The following PARG variants were observed in gnomAD, a reference collection of about 807,000 sequenced individuals.
PARG encodes poly(ADP-ribose) glycohydrolase.
Under a neutral mutation model 113.0 loss-of-function variants are expected in PARG, and 35 were observed. The ratio of observed to expected loss-of-function variants is 0.31; its 90% confidence interval spans 0.24 to 0.41. PARG has a LOEUF of 0.41. PARG is among the 10% of genes least tolerant of loss of function. The pLI, the probability that PARG is intolerant of heterozygous loss-of-function variation, is 1.00. For missense variants in PARG, 797 were observed against 1,169.4 expected (o/e 0.68, Z 4.64); for synonymous variants, 330 against 409.9 (o/e 0.81, Z 2.36).
At chr10:49,915,073 T>C (rs1248383840) in intron 7 of PARG, among the ~76,000 whole-genome samples, 1 of 152,008 alleles carries the variant, frequency 6.6e-6, no homozygotes, top group Non-Finnish European at 1.5e-5. Context: ...TAAATCTTCA[T>C]GATCTTAGAT....
rs1294850084 is a variant in PARG, at chr10:49,940,506, TTTTTG to T, written c.217+998_217+1002del. ...ACTCTATATATCAATTGCACTCCTG[TTTTTG>T]TTTTGTTTTGTTTTGTTTTGTTTGA... On this transcript the variant is annotated intron_variant, in intron 1 of 17. Coordinates refer to ENST00000616448, the MANE Select transcript of PARG (RefSeq NM_003631.5). Among the ~76,000 whole-genome samples, 1,005 of 147,394 alleles carry T rather than the reference TTTTTG, an allele frequency of 6.8e-3. 13 individuals are homozygous for T. The highest frequency in any genetic ancestry group is 0.022 in the African/African-American group (880 of 39,538).
At chr10:49,926,729 G>T (rs1234335304) in intron 4 of PARG, among the ~76,000 whole-genome samples, 1 of 152,224 alleles carries the variant, frequency 6.6e-6, no homozygotes, top group East Asian at 1.9e-4. Context: ...CCCACTTCAA[G>T]ATATCCTGCC....
chr10:49,869,775 C>T (rs1340295697), intron 9 of PARG, among the ~76,000 whole-genome samples: 24 of 151,248 alleles, frequency 1.6e-4, no homozygotes, highest in Admixed American at 2.0e-4. Flanking sequence ...TCAAATCAGA[C>T]ATCATTTACT....
At chr10:49,927,881 A>G (rs1376225371) in intron 4 of PARG, among the ~76,000 whole-genome samples, 3 of 151,692 alleles carry the variant, frequency 2.0e-5, no homozygotes, top group Non-Finnish European at 4.4e-5. Flanking sequence ...GCTTGAACCT[A>G]AGAGTTGGAG....
intron 11 of PARG, among the ~76,000 whole-genome samples, chr10:49,864,237 G>A (rs1475967828): frequency 6.6e-6 from 1 of 152,106 alleles, no homozygotes; most frequent in East Asian, 1.9e-4. Flanking sequence ...CCAAAATGCT[G>A]TACGTGTTCT....
chr10:49,822,693 GA>G (rs1230998651), intron 16 of PARG, among the ~76,000 whole-genome samples: 1 of 151,996 alleles, frequency 6.6e-6, no homozygotes, highest in Admixed American at 6.6e-5. Context: ...TACAAGAGAG[GA>G]AAAAAATCCT....
intron 7 of PARG, among the ~76,000 whole-genome samples, chr10:49,909,051 A>C (rs1837019421): frequency 6.6e-6 from 1 of 152,290 alleles, no homozygotes; most frequent in Non-Finnish European, 1.5e-5. Context: ...ATACACAAAA[A>C]TACTGAGTAT....
At chr10:49,910,436 T>C (rs1400290051) in intron 7 of PARG, among the ~76,000 whole-genome samples, 1 of 152,204 alleles carries the variant, frequency 6.6e-6, no homozygotes, top group Non-Finnish European at 1.5e-5. Flanking sequence ...AGGTTTTTCA[T>C]TTTTTACTTT....
intron 7 of PARG, among the ~76,000 whole-genome samples, chr10:49,895,186 A>G (rs1376429309): frequency 2.0e-5 from 3 of 152,140 alleles, no homozygotes; most frequent in Non-Finnish European, 4.4e-5. Flanking sequence ...TTGGGGGGAC[A>G]TTATTCAACT....
At chr10:49,842,983 C>G (rs782369476) in intron 14 of PARG, among the ~76,000 whole-genome samples, 1 of 152,122 alleles carries the variant, frequency 6.6e-6, no homozygotes, top group Non-Finnish European at 1.5e-5. Flanking sequence ...AAACAAAAAA[C>G]CCCACAAGCT....
chr10:49,908,077 C>T (rs1158043030), intron 7 of PARG, among the ~76,000 whole-genome samples: 1 of 152,132 alleles, frequency 6.6e-6, no homozygotes, highest in East Asian at 1.9e-4. Context: ...TAAATAAATA[C>T]AATCCAGATA....
chr10:49,892,015 G>C (rs1441880197), intron 7 of PARG, among the ~76,000 whole-genome samples: 6 of 151,866 alleles, frequency 4.0e-5, no homozygotes, highest in Non-Finnish European at 8.8e-5. Context: ...TCCTGGCCGG[G>C]CGTGGTGGCT....
chr10:49,891,602 TATATATATATA>T, intron 7 of PARG, among the ~76,000 whole-genome samples: 2 of 36,248 alleles, frequency 5.5e-5, no homozygotes, highest in African/African-American at 3.3e-4. Flanking sequence ...TATATATATA[TATATATATATA>T]TATATATATA....
Position 49,843,541 on chromosome 10 carries a change from G to T in PARG, c.2432+13C>A. On this transcript the variant is annotated intron_variant, in intron 14 of 17. Coordinates refer to ENST00000616448, the MANE Select transcript of PARG (RefSeq NM_003631.5). ...TTTTAGCCATGGAATACTGAAGACA[G>T]AAACAGACTCACCTTTCACTCCCAT... The T allele has an allele frequency of 6.5e-7, 1 of 1,531,228 alleles. No individual in the cohort carries two copies. The highest frequency in any genetic ancestry group is 8.9e-7 in the Non-Finnish European group (1 of 1,128,406). The allele number at this position is 1,531,228 out of a possible 1,614,324, so 94.9% of individuals were successfully genotyped here. A position where few individuals can be genotyped will look rare whatever the true frequency, so the allele number is the denominator to read the frequency against.
intron 6 of PARG, 47 bp from the exon 7 acceptor site, chr10:49,916,038 A>C: frequency 3.0e-6 from 3 of 986,096 alleles, no homozygotes; most frequent in Non-Finnish European, 3.2e-6. Context: ...TGGCCAAGTG[A>C]ATGACCTATG....
intron 7 of PARG, among the ~76,000 whole-genome samples, chr10:49,911,434 G>A (rs1212996878): frequency 9.9e-5 from 15 of 152,142 alleles, no homozygotes; most frequent in African/African-American, 3.1e-4. Flanking sequence ...TTACAGAAGT[G>A]TTTGAATTTA....
At chr10:49,879,162 T>C (rs1316146157) in intron 9 of PARG, among the ~76,000 whole-genome samples, 10 of 152,168 alleles carry the variant, frequency 6.6e-5, no homozygotes, top group Non-Finnish European at 1.5e-5. Flanking sequence ...ACCATGTCTA[T>C]AAAGGGTCAA....
intron 7 of PARG, among the ~76,000 whole-genome samples, chr10:49,887,761 C>T (rs1243847357): frequency 2.0e-5 from 3 of 152,122 alleles, no homozygotes; most frequent in Non-Finnish European, 2.9e-5. Flanking sequence ...ATAAAGCTAT[C>T]TTTAGTCTCA....
At chr10:49,894,323 T>G (rs1554842233) in intron 7 of PARG, among the ~76,000 whole-genome samples, 1 of 151,876 alleles carries the variant, frequency 6.6e-6, no homozygotes, top group African/African-American at 2.4e-5. Context: ...ATAACAGGCA[T>G]GAGCCAATGC....
Sources: gnomAD v4.1 joint callset for allele counts (sites outside exome capture counted in the v4.1 genomes callset) on GRCh38, gnomAD v4.1.1 for gene constraint, MANE v1.5 for transcripts, NCBI Gene and HGNC (gene_info 2026-07-23, HGNC 2026-07-21) for gene names.